AKR1C8: variants seen among roughly 807,000 people sequenced by gnomAD.
The protein encoded by AKR1C8 is aldo-keto reductase family 1 member C-like protein 1.
At chr10:5,131,747 T>A in the AKR1C8 span, among the ~76,000 whole-genome samples, 1 of 151,808 alleles carries the variant, frequency 6.6e-6, no homozygotes, top group Non-Finnish European at 1.5e-5. Flanking sequence ...CTGGTGGGAA[T>A]GTAAATGAGT....
At chr10:5,121,725 T>C in the AKR1C8 span, among the ~76,000 whole-genome samples, 1 of 152,156 alleles carries the variant, frequency 6.6e-6, no homozygotes, top group African/African-American at 2.4e-5. Context: ...GTTTGAGTCA[T>C]TATTACATAT....
chr10:5,166,514 C>T, the AKR1C8 span, among the ~76,000 whole-genome samples: 1 of 152,046 alleles, frequency 6.6e-6, no homozygotes, highest in Non-Finnish European at 1.5e-5. Flanking sequence ...CTTTGACAAA[C>T]CTGACAAAAA....
At chr10:5,155,981 T>A in the AKR1C8 span, among the ~76,000 whole-genome samples, 1 of 152,172 alleles carries the variant, frequency 6.6e-6, no homozygotes, top group East Asian at 1.9e-4. Context: ...TGGGCTCCAC[T>A]TCTCAAAAGA....
chr10:5,176,743 G>A, the AKR1C8 span, among the ~76,000 whole-genome samples: 11 of 152,196 alleles, frequency 7.2e-5, no homozygotes, highest in South Asian at 8.3e-4. Flanking sequence ...TGAAGCAATC[G>A]TGAATGGGAG....
At chr10:5,169,316 T>C in the AKR1C8 span, among the ~76,000 whole-genome samples, 1 of 152,160 alleles carries the variant, frequency 6.6e-6, no homozygotes, top group East Asian at 1.9e-4. Context: ...AAGGGTAATG[T>C]GTTGTTTCTC....
At chr10:5,140,641 C>G in the AKR1C8 span, among the ~76,000 whole-genome samples, 1 of 140,656 alleles carries the variant, frequency 7.1e-6, no homozygotes, top group Admixed American at 7.1e-5. Context: ...ACACCAGGAC[C>G]TGTTGTGGGG....
chr10:5,118,180 G>A, the AKR1C8 span, among the ~76,000 whole-genome samples: 7 of 152,122 alleles, frequency 4.6e-5, no homozygotes, highest in African/African-American at 1.7e-4. Flanking sequence ...GTACAACCAT[G>A]TTATCCATTG....
chr10:5,160,366 C>T, the AKR1C8 span, among the ~76,000 whole-genome samples: 1 of 151,508 alleles, frequency 6.6e-6, no homozygotes, highest in Non-Finnish European at 1.5e-5. Flanking sequence ...TCTGCTACCT[C>T]TGTTCTAGAA....
the AKR1C8 span, among the ~76,000 whole-genome samples, chr10:5,116,394 A>C: frequency 3.9e-5 from 6 of 151,934 alleles, no homozygotes; most frequent in Non-Finnish European, 8.8e-5. Context: ...AGGAAGCAAA[A>C]ATTTTGTTAG....
At chr10:5,155,449 G>T in the AKR1C8 span, 4 of 235,210 alleles carry the variant, frequency 1.7e-5, no homozygotes, top group Non-Finnish European at 3.4e-5. Flanking sequence ...TTCAAGAATT[G>T]GATTCACAAT....
chr10:5,134,159 T>A, the AKR1C8 span, among the ~76,000 whole-genome samples: 2 of 152,288 alleles, frequency 1.3e-5, no homozygotes, highest in South Asian at 4.1e-4. Flanking sequence ...TCTCACTGCC[T>A]TCCCCTGATA....
chr10:5,132,498 C>T, the AKR1C8 span: 9 of 1,107,522 alleles, frequency 8.1e-6, no homozygotes, highest in Admixed American at 2.9e-4. Context: ...TAAATTGGAA[C>T]CAATAAGCAC....
At chr10:5,132,629 C>G in the AKR1C8 span, 1 of 1,588,944 alleles carries the variant, frequency 6.3e-7, no homozygotes, top group African/African-American at 1.3e-5. Flanking sequence ...TGTCTTCTCT[C>G]TTCACACTGT....
chr10:5,116,416 G>A, the AKR1C8 span, among the ~76,000 whole-genome samples: 3 of 152,074 alleles, frequency 2.0e-5, no homozygotes, highest in Non-Finnish European at 2.9e-5. Flanking sequence ...GGATCACTAG[G>A]AGTTATGCTG....
At chr10:5,119,303 G>A in the AKR1C8 span, among the ~76,000 whole-genome samples, 1 of 152,174 alleles carries the variant, frequency 6.6e-6, no homozygotes, top group Non-Finnish European at 1.5e-5. Flanking sequence ...GAGATGCACT[G>A]CTTTAAAGTC....
chr10:5,169,584 T>A, the AKR1C8 span, among the ~76,000 whole-genome samples: 1 of 150,160 alleles, frequency 6.7e-6, no homozygotes, highest in Non-Finnish European at 1.5e-5. Context: ...TTTGGAAAGA[T>A]CCATGTTTTT....
At chr10:5,153,632 C>T in the AKR1C8 span, among the ~76,000 whole-genome samples, 12 of 152,100 alleles carry the variant, frequency 7.9e-5, no homozygotes, top group Non-Finnish European at 1.3e-4. Context: ...GGGGAGCAGA[C>T]GCGTCTTCAT....
chr10:5,179,957 G>C, the AKR1C8 span, among the ~76,000 whole-genome samples: 1 of 152,242 alleles, frequency 6.6e-6, no homozygotes, highest in East Asian at 1.9e-4. Flanking sequence ...ATCATCTGAA[G>C]CCTTCTTCTC....
chr10:5,123,811 G>A, the AKR1C8 span: 1 of 1,612,018 alleles, frequency 6.2e-7, no homozygotes, highest in African/African-American at 1.3e-5. Context: ...AGGTAAGGAT[G>A]ACATTCCACC....
Sources: allele counts gnomAD v4.1 joint callset (sites outside exome capture counted in the v4.1 genomes callset), GRCh38; gene constraint gnomAD v4.1.1; transcripts MANE v1.5; gene names NCBI Gene and HGNC (gene_info 2026-07-23, HGNC 2026-07-21).